NEK11: variants seen among roughly 807,000 people sequenced by gnomAD.
The protein encoded by NEK11 is NIMA related kinase 11.
In NEK11, 72 loss-of-function variants were observed where a neutral mutation model predicts 80.7. The ratio of observed to expected loss-of-function variants is 0.89; its 90% CI spans 0.74 to 1.08. The LOEUF is 1.08. Among genes scored for constraint, NEK11 ranks in the 50% least tolerant of loss-of-function variants. NEK11 has a pLI of 0.00. For missense variants in NEK11, 764 were observed against 763.6 expected (o/e 1.00, Z -0.01); for synonymous variants, 251 against 260.7 (o/e 0.96, Z 0.36).
chr3:131,051,656 G>T (rs548404794), intron 3 of NEK11, among the ~76,000 whole-genome samples: 1 of 152,154 alleles, frequency 6.6e-6, no homozygotes. Flanking sequence ...AAATATGTGG[G>T]TAATTTTTAA....
intron 17 of NEK11, among the ~76,000 whole-genome samples, chr3:131,293,851 A>G (rs2096567999): frequency 6.6e-6 from 1 of 152,052 alleles, no homozygotes; most frequent in African/African-American, 2.4e-5. Flanking sequence ...AAGTTATCAA[A>G]TTTGTGGACA....
chr3:131,160,100 A>G (rs1228885108), intron 10 of NEK11, among the ~76,000 whole-genome samples: 1 of 152,190 alleles, frequency 6.6e-6, no homozygotes, highest in Non-Finnish European at 1.5e-5. Context: ...ACTTCACAAG[A>G]AGATCATCCC....
chr3:131,147,914 G>C (rs1282958572), intron 7 of NEK11, among the ~76,000 whole-genome samples: 1 of 151,690 alleles, frequency 6.6e-6, no homozygotes, highest in Non-Finnish European at 1.5e-5. Flanking sequence ...ATGATAGTAG[G>C]CATTCTTATT....
At chr3:131,046,799 C>T (rs1316555640) in intron 3 of NEK11, among the ~76,000 whole-genome samples, 2 of 152,080 alleles carry the variant, frequency 1.3e-5, no homozygotes, top group Non-Finnish European at 2.9e-5. Context: ...AATGAATTAC[C>T]TAGGTGTTCT....
At chr3:131,192,250 C>T (rs1290231398) in intron 14 of NEK11, among the ~76,000 whole-genome samples, 1 of 152,118 alleles carries the variant, frequency 6.6e-6, no homozygotes, top group Non-Finnish European at 1.5e-5. Flanking sequence ...CGACTTTACA[C>T]CCATTAGAAT....
chr3:131,250,853 A>C (rs2095687455), intron 16 of NEK11, among the ~76,000 whole-genome samples: 1 of 152,160 alleles, frequency 6.6e-6, no homozygotes, highest in Non-Finnish European at 1.5e-5. Context: ...AAAACTAAAC[A>C]AAGTGAAAAA....
intron 4 of NEK11, among the ~76,000 whole-genome samples, chr3:131,105,705 C>A (rs1431050299): frequency 6.6e-6 from 1 of 152,132 alleles, no homozygotes; most frequent in African/African-American, 2.4e-5. Flanking sequence ...ATGGGGGAAA[C>A]CACCCCCATG....
At chr3:131,318,115 A>C (rs1164716089) in intron 17 of NEK11, among the ~76,000 whole-genome samples, 1 of 152,094 alleles carries the variant, frequency 6.6e-6, no homozygotes, top group Non-Finnish European at 1.5e-5. Context: ...AAGGAGGAAG[A>C]GGGGAAAGAG....
At chr3:131,103,028 C>CT (rs1485024869) in intron 4 of NEK11, among the ~76,000 whole-genome samples, 3 of 152,024 alleles carry the variant, frequency 2.0e-5, no homozygotes, top group African/African-American at 7.2e-5. Flanking sequence ...CAATTTGGTT[C>CT]TTTTTTAAAT....
chr3:131,345,873 A>G (rs2097355018), intron 17 of NEK11, among the ~76,000 whole-genome samples: 1 of 152,224 alleles, frequency 6.6e-6, no homozygotes, highest in Non-Finnish European at 1.5e-5. Context: ...GTCATTTGCC[A>G]TAACATGGAT....
At chr3:131,257,626 A>G (rs912336011) in intron 16 of NEK11, among the ~76,000 whole-genome samples, 2 of 152,068 alleles carry the variant, frequency 1.3e-5, no homozygotes, top group African/African-American at 4.8e-5. Flanking sequence ...TCATTTTTCA[A>G]TTTATCTTCT....
intron 5 of NEK11, among the ~76,000 whole-genome samples, chr3:131,123,268 G>A (rs1409349254): frequency 6.6e-6 from 1 of 152,092 alleles, no homozygotes; most frequent in Non-Finnish European, 1.5e-5. Context: ...CCAGGTTCAA[G>A]CAATTCTCCT....
At chr3:131,233,782 A>G (rs2095379587) in intron 15 of NEK11, among the ~76,000 whole-genome samples, 1 of 152,212 alleles carries the variant, frequency 6.6e-6, no homozygotes, top group Non-Finnish European at 1.5e-5. Flanking sequence ...CCTACGTGCA[A>G]ATCAGCTATT....
At chr3:131,207,066 T>C (rs972884349) in intron 14 of NEK11, among the ~76,000 whole-genome samples, 6 of 152,216 alleles carry the variant, frequency 3.9e-5, no homozygotes, top group South Asian at 2.1e-4. Context: ...CAGTCTATCA[T>C]TGATGGACAT....
chr3:131,088,803 A>G (rs997810968), intron 4 of NEK11, among the ~76,000 whole-genome samples: 1 of 152,152 alleles, frequency 6.6e-6, no homozygotes, highest in African/African-American at 2.4e-5. Context: ...TTCAGTACCT[A>G]TTTAGAAGCT....
intron 17 of NEK11, among the ~76,000 whole-genome samples, chr3:131,322,650 G>C (rs1225927369): frequency 6.6e-6 from 1 of 152,156 alleles, no homozygotes; most frequent in African/African-American, 2.4e-5. Context: ...TAGGTCTGAG[G>C]AGGGGTGAGA....
At chr3:131,152,208 T>C (rs1384168411) in intron 7 of NEK11, among the ~76,000 whole-genome samples, 180 bp from the exon 8 acceptor site, 2 of 152,114 alleles carry the variant, frequency 1.3e-5, no homozygotes, top group Non-Finnish European at 2.9e-5. Flanking sequence ...TTTGGTTTTT[T>C]TTTTGGTAAA....
At chr3:131,262,115 G>T (rs1048653485) in intron 16 of NEK11, among the ~76,000 whole-genome samples, 9 of 152,008 alleles carry the variant, frequency 5.9e-5, no homozygotes, top group Non-Finnish European at 1.2e-4. Context: ...TAACCTTAAA[G>T]AAATAAAAAG....
In NEK11 at chr3:131,163,970, A is replaced by G. The variant is rs143294289; in HGVS notation, c.1082+1443A>G. Among the ~76,000 whole-genome samples the G allele has an allele frequency of 3.5e-3, 530 of 152,282 alleles. 1 individual carries two copies. Among genetic ancestry groups the G allele is most frequent in the African/African-American group, 0.012 (502 of 41,562 alleles). On this transcript the variant is annotated intron_variant, in intron 11 of 17. Transcript: ENST00000383366. ...ATATTTTGGTAGTTTAGGAGCCCCA[A>G]TCAAGAACTAGAGAGACAGAAAGAA...
Sources: gnomAD v4.1 joint callset for allele counts (sites outside exome capture counted in the v4.1 genomes callset) on GRCh38, gnomAD v4.1.1 for gene constraint, MANE v1.5 for transcripts, NCBI Gene and HGNC (gene_info 2026-07-23, HGNC 2026-07-21) for gene names.